TAFA5: variants seen among roughly 807,000 people sequenced by gnomAD.
The protein encoded by TAFA5 is TAFA chemokine like family member 5, also known as chemokine-like protein TAFA-5.
In TAFA5, 6 loss-of-function variants were observed where a neutral mutation model predicts 15.3. That is an observed-to-expected ratio of 0.39 (90% confidence interval 0.21 to 0.77). The LOEUF is 0.77. TAFA5 is among the 30% of genes least tolerant of loss of function. TAFA5 has a pLI of 0.41. For synonymous variants in TAFA5, 103 were observed against 80.7 expected (o/e 1.28, Z -1.48); for missense variants, 161 against 193.1 (o/e 0.83, Z 0.98).
intron 2 of TAFA5, among the ~76,000 whole-genome samples, chr22:48,688,123 A>G (rs1025550371): frequency 6.8e-6 from 1 of 148,020 alleles, no homozygotes; most frequent in Non-Finnish European, 1.5e-5. Flanking sequence ...CCTCTCTCTC[A>G]TCTAATTTGA....
chr22:48,696,358 T>G (rs973489561), intron 2 of TAFA5, among the ~76,000 whole-genome samples: 1 of 152,182 alleles, frequency 6.6e-6, no homozygotes, highest in Non-Finnish European at 1.5e-5. Context: ...TTCTCACTCC[T>G]TCCTTCCATC....
intron 2 of TAFA5, among the ~76,000 whole-genome samples, chr22:48,690,083 C>G (rs1232345696): frequency 6.6e-6 from 1 of 151,760 alleles, no homozygotes; most frequent in Non-Finnish European, 1.5e-5. Flanking sequence ...CCACCCTGCC[C>G]TGTGGCATCA....
At chr22:48,576,513 A>G in intron 1 of TAFA5, 1 of 1,508,850 alleles carries the variant, frequency 6.6e-7, no homozygotes. Context: ...GGGCACTGGC[A>G]GGGGCCGCGC....
intron 2 of TAFA5, among the ~76,000 whole-genome samples, chr22:48,700,245 AG>A (rs1928861734): frequency 6.6e-6 from 1 of 152,040 alleles, no homozygotes; most frequent in Non-Finnish European, 1.5e-5. Flanking sequence ...GGAACATAGG[AG>A]GGGGCTGGGG....
intron 2 of TAFA5, among the ~76,000 whole-genome samples, chr22:48,651,781 A>G (rs1374835442): frequency 6.6e-6 from 1 of 152,148 alleles, no homozygotes; most frequent in African/African-American, 2.4e-5. Context: ...CTTCCACCCC[A>G]CGTCCACAGC....
intron 1 of TAFA5, among the ~76,000 whole-genome samples, chr22:48,574,536 G>A (rs919226000): frequency 6.6e-6 from 1 of 151,970 alleles, no homozygotes; most frequent in Non-Finnish European, 1.5e-5. Flanking sequence ...TCAGGGCCAG[G>A]CCTCTTTCCC....
intron 3 of TAFA5, among the ~76,000 whole-genome samples, chr22:48,708,081 G>C (rs132235): frequency 0.7 from 106,468 of 151,992 alleles, 37,476 homozygotes; most frequent in Middle Eastern, 0.72. Context: ...TGCAGAACCA[G>C]CTGCAAGGCT....
intron 3 of TAFA5, among the ~76,000 whole-genome samples, chr22:48,709,201 C>T (rs1203175495): frequency 3.3e-5 from 5 of 152,120 alleles, no homozygotes; most frequent in South Asian, 2.1e-4. Flanking sequence ...GGCGCCACCC[C>T]GAGGCATGCG....
chr22:48,588,670 G>A (rs993537837), intron 1 of TAFA5, among the ~76,000 whole-genome samples: 2 of 152,134 alleles, frequency 1.3e-5, no homozygotes, highest in African/African-American at 4.8e-5. Context: ...GGCACGATTC[G>A]GTGCCACCTC....
intron 1 of TAFA5, among the ~76,000 whole-genome samples, chr22:48,523,364 C>T (rs1053438093): frequency 6.6e-6 from 1 of 152,272 alleles, no homozygotes; most frequent in African/African-American, 2.4e-5. Context: ...GCCCCTGAGT[C>T]AGCAAACTCC....
intron 1 of TAFA5, among the ~76,000 whole-genome samples, chr22:48,570,230 A>G (rs1349573023): frequency 1.3e-5 from 2 of 152,234 alleles, no homozygotes; most frequent in Non-Finnish European, 2.9e-5. Context: ...CGCTGAAAAC[A>G]TGGCTGAGGC....
chr22:48,731,017 T>C (rs906580885), intron 3 of TAFA5, among the ~76,000 whole-genome samples: 2 of 152,212 alleles, frequency 1.3e-5, no homozygotes, highest in African/African-American at 4.8e-5. Context: ...GTCAGCCAAG[T>C]TGTAGAGCAA....
intron 1 of TAFA5, among the ~76,000 whole-genome samples, chr22:48,542,517 G>A (rs1922465396): frequency 7.6e-6 from 1 of 130,846 alleles, no homozygotes; most frequent in East Asian, 2.4e-4. Flanking sequence ...TGGCATGTGT[G>A]TGTGCATGTG....
intron 3 of TAFA5, among the ~76,000 whole-genome samples, chr22:48,721,721 G>A (rs993506972): frequency 6.6e-6 from 1 of 152,192 alleles, no homozygotes; most frequent in Non-Finnish European, 1.5e-5. Context: ...TGTAATCCCA[G>A]CACTTTGGGA....
At chr22:48,503,818 A>G (rs1920968172) in intron 1 of TAFA5, among the ~76,000 whole-genome samples, 1 of 151,952 alleles carries the variant, frequency 6.6e-6, no homozygotes, top group African/African-American at 2.4e-5. Context: ...TGACACTCGC[A>G]CCCCCATCAG....
At chr22:48,520,643 C>A (rs1229718031) in intron 1 of TAFA5, among the ~76,000 whole-genome samples, 1 of 152,090 alleles carries the variant, frequency 6.6e-6, no homozygotes, top group African/African-American at 2.4e-5. Flanking sequence ...TGGAGAGAGA[C>A]CAGGTGTGGA....
At chr22:48,673,029 C>T (rs528197290) in intron 2 of TAFA5, among the ~76,000 whole-genome samples, 94 of 152,276 alleles carry the variant, frequency 6.2e-4, no homozygotes, top group Non-Finnish European at 1.2e-3. Flanking sequence ...TGGCACACCC[C>T]GCTAAGGAAT....
intron 1 of TAFA5, among the ~76,000 whole-genome samples, chr22:48,575,274 T>TGGGCCGGCCCCACCTGAC: frequency 6.6e-6 from 1 of 151,768 alleles, no homozygotes; most frequent in African/African-American, 2.4e-5. Context: ...AGTTTTCGGC[T>TGGGCCGGCCCCACCTGAC]GGGCCGGCCC....
At chr22:48,567,306 C>T (rs1923439733) in intron 1 of TAFA5, among the ~76,000 whole-genome samples, 1 of 152,182 alleles carries the variant, frequency 6.6e-6, no homozygotes, top group South Asian at 2.1e-4. Flanking sequence ...CGTGTGTGCC[C>T]ATCTGTTTCC....
Sources: gnomAD v4.1 joint callset for allele counts (sites outside exome capture counted in the v4.1 genomes callset) on GRCh38, gnomAD v4.1.1 for gene constraint, MANE v1.5 for transcripts, NCBI Gene and HGNC (gene_info 2026-07-23, HGNC 2026-07-21) for gene names.